Variants in BMP2K observed in about 807,000 individuals in gnomAD.
BMP2K encodes the protein BMP-2-inducible protein kinase.
In BMP2K, 74 loss-of-function variants were observed where a neutral mutation model predicts 116.0. That is an observed-to-expected ratio of 0.64 (90% CI 0.53 to 0.77). The LOEUF (loss-of-function observed/expected upper bound fraction) is 0.77, where lower values mean the gene tolerates loss of function less well. Ranked by LOEUF, BMP2K falls within the 30% of genes least tolerant of loss-of-function variation. The pLI, the probability that BMP2K is intolerant of heterozygous loss-of-function variation, is 0.00. For synonymous variants in BMP2K, 486 were observed against 502.5 expected, an observed-to-expected ratio of 0.97 and a Z score of 0.44; for missense variants, 1,365 against 1,403.6, an observed-to-expected ratio of 0.97 and a Z score of 0.44.
chr4:78,870,697 A>G, intron 10 of BMP2K, 86 bp from the exon 11 acceptor site: 1 of 1,492,898 alleles, frequency 6.7e-7, no homozygotes, highest in Non-Finnish European at 9.0e-7. Flanking sequence ...CCTTAGTTAA[A>G]TTATTATTGA....
rs1434499949 is a variant in BMP2K, at chr4:78,871,121, T to A, written c.1509+61T>A. ...TGAAATTGATGCAGCAAATTGAATA[T>A]CAGTGAATTCCTTTTTGTATCATGG... On this transcript the variant is annotated intron_variant, in intron 11 of 15. Coordinates refer to ENST00000502613, the MANE Select transcript of BMP2K (RefSeq NM_198892.2). The A allele has an allele frequency of 3.8e-6, 6 of 1,573,844 alleles. No homozygotes were observed. In the Admixed American group the frequency reaches 1.0e-4, roughly 27 times the overall value.
chr4:78,897,158 AC>A (rs1170454451), intron 15 of BMP2K, among the ~76,000 whole-genome samples: 2 of 151,822 alleles, frequency 1.3e-5, no homozygotes, highest in Non-Finnish European at 1.5e-5. Context: ...AATTGGTAAA[AC>A]TTTTTTTTGA....
intron 12 of BMP2K, 40 bp downstream of exon 12, chr4:78,871,988 T>C: frequency 7.1e-7 from 1 of 1,402,434 alleles, no homozygotes; most frequent in Non-Finnish European, 1.0e-6. Flanking sequence ...TGAGTATACA[T>C]TATGGTGTTG....
chr4:78,812,010 A>C (rs1200754515), intron 1 of BMP2K, among the ~76,000 whole-genome samples: 1 of 152,010 alleles, frequency 6.6e-6, no homozygotes, highest in African/African-American at 2.4e-5. Flanking sequence ...TCTCGCTCTT[A>C]TCACCCAGGC....
At chr4:78,776,853 C>A in intron 1 of BMP2K, 132 bp downstream of exon 1, 1 of 925,584 alleles carries the variant, frequency 1.1e-6, no homozygotes, top group Non-Finnish European at 1.4e-6. Context: ...CCAGCGGGGG[C>A]TCCTAAAGAG....
intron 1 of BMP2K, among the ~76,000 whole-genome samples, chr4:78,818,644 T>C (rs778742520): frequency 2.6e-5 from 4 of 152,238 alleles, no homozygotes; most frequent in Non-Finnish European, 5.9e-5. Context: ...TATCCACATA[T>C]GCCTTGGGCA....
At chr4:78,807,855 A>C (rs1004479452) in intron 1 of BMP2K, among the ~76,000 whole-genome samples, 1 of 152,044 alleles carries the variant, frequency 6.6e-6, no homozygotes, top group Non-Finnish European at 1.5e-5. Flanking sequence ...GTCAACAGTA[A>C]TATCCCCTTT....
At position 78,911,517 on chromosome 4, in the gene BMP2K, CA is replaced by C; in HGVS notation, c.2974del (p.Ser992ValfsTer17). 1 of 1,613,986 alleles carries C rather than the reference CA, an allele frequency of 6.2e-7. No homozygotes were observed. On this transcript the variant is annotated frameshift_variant, in exon 16 of 16. Coordinates refer to ENST00000502613, the MANE Select transcript of BMP2K (RefSeq NM_198892.2). LOFTEE classifies it high-confidence loss of function. ...RQRRTKQDMS[K>X]SNGKRHHGTP... ...AAAGGCGCACAAAGCAGGATATGTC[CA>C]AAAGTAATGGGAAGCGGCATCATGG...
At chr4:78,799,338 TTC>T (rs1728455571) in intron 1 of BMP2K, among the ~76,000 whole-genome samples, 1 of 152,178 alleles carries the variant, frequency 6.6e-6, no homozygotes, top group African/African-American at 2.4e-5. Context: ...TACATATGGT[TTC>T]AGATGGTGCA....
rs1734933511 is a variant in BMP2K, at chr4:78,915,139, T to G, written c.*3106T>G. On this transcript the variant is annotated 3_prime_UTR_variant, in exon 16 of 16. Transcript: ENST00000502613. ...GTGTAATTATTTTCCCTTACCCCAATCCCTGTGTACGTGTTGGGTATAGTT... is the reference window on the plus strand; with the variant it reads ...GTGTAATTATTTTCCCTTACCCCAAGCCCTGTGTACGTGTTGGGTATAGTT... 1 of 151,960 alleles carries G rather than the reference T, an allele frequency of 6.6e-6. No homozygotes were observed. Among genetic ancestry groups the G allele is most frequent in the African/African-American group, 2.4e-5 (1 of 41,424 alleles). 9.4% of individuals were successfully genotyped at this position (151,960 alleles called of 1,614,324 possible).
chr4:78,846,001 G>GTA (rs1197110230), intron 5 of BMP2K, among the ~76,000 whole-genome samples: 3 of 151,574 alleles, frequency 2.0e-5, no homozygotes, highest in African/African-American at 7.3e-5. Context: ...GAATAATAAA[G>GTA]TATTGAATTG....
At chr4:78,859,941 C>T in intron 8 of BMP2K, 1 of 546,936 alleles carries the variant, frequency 1.8e-6, no homozygotes, top group Non-Finnish European at 3.3e-6. Context: ...AACACAGGGA[C>T]ATCTTTCTGA....
chr4:78,865,432 G>T, intron 9 of BMP2K, 125 bp from the exon 10 acceptor site: 1 of 850,870 alleles, frequency 1.2e-6, no homozygotes, highest in Admixed American at 2.7e-5. Context: ...TTAGGAGAAA[G>T]ATGAGGACTA....
rs920247476 is a variant in BMP2K at position 78,912,847 on chromosome 4, TAAG to T, written c.*820_*822del. Reference sequence around the variant, plus strand: ...ATATCTGACATTTGTAAAGAAATTATAAGAAGAAAAAAAGATACAGAACAGAAA... The same window carrying T: ...ATATCTGACATTTGTAAAGAAATTATAAGAAAAAAAGATACAGAACAGAAA... On this transcript the variant is annotated 3_prime_UTR_variant, in exon 16 of 16. Coordinates refer to ENST00000502613, the MANE Select transcript of BMP2K (RefSeq NM_198892.2). The T allele has an allele frequency of 6.6e-6, 1 of 152,088 alleles. No homozygotes were observed. The highest frequency in any genetic ancestry group is 1.5e-5 in the Non-Finnish European group (1 of 67,988). 9.4% of individuals were successfully genotyped at this position (152,088 alleles called of 1,614,324 possible).
chr4:78,865,754 G>C (rs751227552), intron 10 of BMP2K, 34 bp downstream of exon 10: 1 of 1,601,262 alleles, frequency 6.2e-7, no homozygotes, highest in South Asian at 1.1e-5. Flanking sequence ...TCCTCTTAAA[G>C]GTTAATGTTA....
chr4:78,797,591 T>C (rs913129190), intron 1 of BMP2K, among the ~76,000 whole-genome samples: 4 of 152,190 alleles, frequency 2.6e-5, no homozygotes, highest in Non-Finnish European at 5.9e-5. Context: ...TTTGGAGGGA[T>C]TGGCATATTG....
At chr4:78,812,584 G>T (rs189144108) in intron 1 of BMP2K, among the ~76,000 whole-genome samples, 1 of 152,090 alleles carries the variant, frequency 6.6e-6, no homozygotes, top group African/African-American at 2.4e-5. Flanking sequence ...CTCCTTCCCC[G>T]GGGGAAGACT....
intron 13 of BMP2K, among the ~76,000 whole-genome samples, chr4:78,876,763 C>A (rs1577951162): frequency 6.6e-6 from 1 of 152,154 alleles, no homozygotes; most frequent in East Asian, 1.9e-4. Context: ...TTGTCTCGTT[C>A]TTATGCTATA....
At chr4:78,904,678 T>A (rs1479378273) in intron 15 of BMP2K, among the ~76,000 whole-genome samples, 1 of 152,058 alleles carries the variant, frequency 6.6e-6, no homozygotes, top group East Asian at 1.9e-4. Flanking sequence ...GATAGTAGAA[T>A]TCAGCAGAAG....
Sources: allele counts gnomAD v4.1 joint callset (sites outside exome capture counted in the v4.1 genomes callset), GRCh38; gene constraint gnomAD v4.1.1; transcripts MANE v1.5; gene names NCBI Gene and HGNC (gene_info 2026-07-23, HGNC 2026-07-21).